The following KIAA2012 variants were observed in gnomAD, a reference collection of about 807,000 sequenced individuals.
KIAA2012 encodes uncharacterized protein KIAA2012.
A neutral mutation model predicts 150.6 loss-of-function variants in KIAA2012; 125 were observed. The ratio of observed to expected loss-of-function variants is 0.83; its 90% CI spans 0.72 to 0.96. The LOEUF (loss-of-function observed/expected upper bound fraction) is 0.96. Ranked by LOEUF, KIAA2012 falls within the 40% of genes least tolerant of loss-of-function variation. KIAA2012 has a pLI of 0.00. For synonymous variants in KIAA2012, 462 were observed against 504.7 expected (o/e 0.92, Z 1.13); for missense variants, 1,219 against 1,354.9 (o/e 0.90, Z 1.57).
intron 22 of KIAA2012, among the ~76,000 whole-genome samples, chr2:202,200,510 A>T (rs1179743946): frequency 2.0e-5 from 3 of 152,092 alleles, no homozygotes; most frequent in Non-Finnish European, 4.4e-5. Flanking sequence ...ACAAGGAAAG[A>T]AGGAAATTGG....
intron 17 of KIAA2012, 105 bp downstream of exon 17, chr2:202,187,203 A>C (rs1559232658): frequency 7.8e-7 from 1 of 1,283,458 alleles, no homozygotes; most frequent in African/African-American, 1.5e-5. Flanking sequence ...GGCACCCGAT[A>C]AAGGGGATGA....
chr2:202,187,512 G>A (rs1395951419), intron 17 of KIAA2012, among the ~76,000 whole-genome samples: 1 of 152,138 alleles, frequency 6.6e-6, no homozygotes, highest in East Asian at 1.9e-4. Flanking sequence ...TCACCATGTT[G>A]GCCAGGCTGG....
chr2:202,184,277 G>A (rs1169063526), intron 15 of KIAA2012, among the ~76,000 whole-genome samples: 2 of 151,806 alleles, frequency 1.3e-5, no homozygotes, highest in Admixed American at 6.6e-5. Flanking sequence ...CCAGCTACTC[G>A]GGAGGCTGAG....
rs537658587 is a variant in KIAA2012 at position 202,147,341 on chromosome 2, G to A, written c.1909-7332G>A. ...TTGCTTTCGCCATATACCTAAGGGC[G>A]CACAGCTGAAGGTCTAGGGGCAGAG... On this transcript the variant is annotated intron_variant, in intron 13 of 23. Coordinates refer to ENST00000498697, the MANE Select transcript of KIAA2012 (RefSeq NM_001277372.4). 2.6e-5 allele frequency among the ~76,000 whole-genome samples: 4 copies of A among 152,240 alleles called. No homozygotes were observed. The South Asian group carries it at 6.2e-4, about 24-fold the overall frequency.
rs1689702369 is a variant in KIAA2012, at chr2:202,090,902, G to A, written c.502G>A (p.Asp168Asn). The A allele has an allele frequency of 6.5e-7, 1 of 1,550,366 alleles. No homozygotes were observed. The highest frequency in any genetic ancestry group is 1.2e-5 in the South Asian group (1 of 84,040). The change falls in exon 3 of 24, where the codon GAC becomes AAC. Residue 168 changes from aspartate (D) to asparagine (N), a missense_variant. Physicochemically the swap from Asp to Asn is conservative, Grantham distance 23. Transcript: ENST00000498697. Reference protein sequence around the residue: ...LRGLLRTWPPDAMYRLWCAGY... With the variant: ...LRGLLRTWPPNAMYRLWCAGY... ...AGGCCTCCTGCGGACTTGGCCCCCAGACGCCATGTATAGGCTCTGGTGCGC... is the reference window on the plus strand; with the variant it reads ...AGGCCTCCTGCGGACTTGGCCCCCAAACGCCATGTATAGGCTCTGGTGCGC...
At chr2:202,100,948 T>C (rs1690027394) in intron 7 of KIAA2012, among the ~76,000 whole-genome samples, 1 of 152,212 alleles carries the variant, frequency 6.6e-6, no homozygotes, top group African/African-American at 2.4e-5. Flanking sequence ...CTTGGCTGTC[T>C]CTGGCCTGGT....
intron 12 of KIAA2012, among the ~76,000 whole-genome samples, chr2:202,131,347 G>A (rs540201037): frequency 6.6e-6 from 1 of 151,946 alleles, no homozygotes; most frequent in Non-Finnish European, 1.5e-5. Flanking sequence ...CACCATGTTG[G>A]CCAGGCTGGT....
chr2:202,194,085 C>A, intron 20 of KIAA2012, 105 bp from the exon 21 acceptor site: 2 of 1,248,402 alleles, frequency 1.6e-6, no homozygotes, highest in Admixed American at 2.5e-5. Context: ...CTCCCTGTGG[C>A]CTGTGGGCTG....
At chr2:202,180,652 A>G (rs1364326420) in intron 15 of KIAA2012, among the ~76,000 whole-genome samples, 2 of 152,010 alleles carry the variant, frequency 1.3e-5, no homozygotes, top group Non-Finnish European at 2.9e-5. Context: ...AGCAAAACCC[A>G]GTCTCTACTA....
chr2:202,116,407 A>C (rs1204488609), intron 11 of KIAA2012: 4 of 146,664 alleles, frequency 2.7e-5, no homozygotes, highest in African/African-American at 1.0e-4. Flanking sequence ...GGTTCAAGCT[A>C]TCCTCCCACC....
In KIAA2012 at chr2:202,097,554, C is replaced by T. The variant is rs761204568; in HGVS notation, c.805C>T (p.Gln269Ter). 1.3e-6 allele frequency: 2 copies of T among 1,548,918 alleles called. No homozygotes were observed. Among genetic ancestry groups the T allele is most frequent in the South Asian group, 2.4e-5 (2 of 83,982 alleles). The change falls in exon 5 of 24, where the codon CAG (glutamine) becomes TAG (stop). Residue 269 changes from glutamine to a stop codon, truncating the protein, a stop_gained. Transcript: ENST00000498697. LOFTEE classifies it high-confidence loss of function. ...RLPPRRKQPW[Q>*]EDETQAEDTS... The stretch of plus-strand genomic sequence containing the variant: ...GCCACCACGCAGGAAGCAGCCCTGG[C>T]AGGAAGATGAAACGCAGGCAGAGGT...
intron 22 of KIAA2012, chr2:202,197,688 C>G (rs1434745944): frequency 6.6e-6 from 1 of 151,870 alleles, no homozygotes; most frequent in Non-Finnish European, 1.5e-5. Context: ...AAGTGAAACC[C>G]CTATCCCTAC....
intron 21 of KIAA2012, among the ~76,000 whole-genome samples, chr2:202,196,196 T>C (rs112727027): frequency 8.4e-4 from 108 of 129,122 alleles, no homozygotes; most frequent in African/African-American, 2.8e-3. Flanking sequence ...CTTTTTTTTT[T>C]TTTTTTTTTT....
intron 15 of KIAA2012, among the ~76,000 whole-genome samples, chr2:202,172,644 C>T (rs148420022): frequency 2.6e-3 from 398 of 152,268 alleles, no homozygotes; most frequent in Non-Finnish European, 4.7e-3. Context: ...TGGGCAGTTT[C>T]CAGCTTCAGG....
At chr2:202,167,499 G>A (rs1691794455) in intron 15 of KIAA2012, among the ~76,000 whole-genome samples, 1 of 152,160 alleles carries the variant, frequency 6.6e-6, no homozygotes, top group African/African-American at 2.4e-5. Flanking sequence ...CCTGAATTTG[G>A]CAGCAACTCA....
At chr2:202,179,579 A>G (rs193286597) in intron 15 of KIAA2012, 1 of 669,742 alleles carries the variant, frequency 1.5e-6, no homozygotes. Flanking sequence ...CTAGCTCAAC[A>G]ATACTATCTT....
At chr2:202,082,218 A>G (rs1252385753) in intron 2 of KIAA2012, among the ~76,000 whole-genome samples, 1 of 151,998 alleles carries the variant, frequency 6.6e-6, no homozygotes, top group African/African-American at 2.4e-5. Flanking sequence ...ATTCTGAATA[A>G]TTGGTTCATG....
At chr2:202,169,998 G>A (rs1691852660) in intron 15 of KIAA2012, among the ~76,000 whole-genome samples, 1 of 152,164 alleles carries the variant, frequency 6.6e-6, no homozygotes, top group Admixed American at 6.5e-5. Flanking sequence ...CACAGTGGTA[G>A]GCTGTAGATC....
intron 12 of KIAA2012, among the ~76,000 whole-genome samples, chr2:202,126,626 G>A (rs927893769): frequency 3.0e-4 from 6 of 20,050 alleles, no homozygotes; most frequent in Non-Finnish European, 5.5e-4. Flanking sequence ...GATGGTGGTG[G>A]TGGTGGTGGT....
Sources: allele counts gnomAD v4.1 joint callset (sites outside exome capture counted in the v4.1 genomes callset), GRCh38; gene constraint gnomAD v4.1.1; transcripts MANE v1.5; gene names NCBI Gene and HGNC (gene_info 2026-07-23, HGNC 2026-07-21).